Variants in RHCG observed in about 807,000 individuals in gnomAD.
RHCG encodes the protein ammonium transporter Rh type C.
Under a neutral mutation model 55.3 loss-of-function variants are expected in RHCG, and 39 were observed. The observed-to-expected ratio is 0.70, with a 90% confidence interval of 0.55 to 0.92. RHCG has a LOEUF of 0.92. RHCG is among the 40% of genes least tolerant of loss of function. The pLI, the probability that RHCG is intolerant of heterozygous loss-of-function variation, is 0.00. For synonymous variants in RHCG, 250 were observed against 246.8 expected (o/e 1.01, Z -0.12); for missense variants, 635 against 627.9 (o/e 1.01, Z -0.12).
rs956688790 is a variant in RHCG at position 89,478,310 on chromosome 15, T to A, written c.838-336A>T. 2.6e-5 allele frequency among the ~76,000 whole-genome samples: 4 copies of A among 152,232 alleles called. No individual in the cohort carries two copies. The East Asian group carries it at 7.7e-4, about 29-fold the overall frequency. ...ATACCTGTGTGCCCAGACTAGCATG[T>A]CTGAACGTTCTTGCCATGGATGCAA... On this transcript the variant is annotated intron_variant, in intron 5 of 10. Coordinates refer to ENST00000268122, the MANE Select transcript of RHCG (RefSeq NM_016321.3).
At chr15:89,483,040 C>A in intron 3 of RHCG, 27 bp downstream of exon 3, 1 of 1,540,972 alleles carries the variant, frequency 6.5e-7, no homozygotes, top group South Asian at 1.2e-5. Context: ...CCCCCACCAC[C>A]TCATCCCCAT....
intron 1 of RHCG, among the ~76,000 whole-genome samples, chr15:89,496,097 C>G (rs947298925): frequency 4.6e-5 from 7 of 152,192 alleles, no homozygotes; most frequent in Admixed American, 3.9e-4. Flanking sequence ...GGCTCTCTGA[C>G]AGGGATGTTG....
Position 89,486,781 on chromosome 15 carries a change from G to A in RHCG, c.371+18C>T. The A allele has an allele frequency of 6.4e-7, 1 of 1,573,150 alleles. No individual in the cohort carries two copies. The highest frequency in any genetic ancestry group is 1.3e-5 in the African/African-American group (1 of 74,306). On this transcript the variant is annotated intron_variant, in intron 2 of 10. Transcript: ENST00000268122. ...CCCTCCCAGTCCGCCACGCCCCCGG[G>A]GCCCGCCCTGCGCTCACTTCTCCAC... is the stretch of plus-strand genomic sequence containing the variant.
chr15:89,482,271 T>C (rs1467045044), intron 3 of RHCG, among the ~76,000 whole-genome samples: 1 of 152,242 alleles, frequency 6.6e-6, no homozygotes, highest in African/African-American at 2.4e-5. Flanking sequence ...GCACTCTGGC[T>C]GCTGAAGATG....
Position 89,496,342 on chromosome 15 carries a change from T to G in RHCG, c.184+19A>C. On this transcript the variant is annotated intron_variant, in intron 1 of 10. Transcript: ENST00000268122. Reference sequence around the variant, plus strand: ...GGCGCGGATATGCCTCCGCTGGGCCTGCAGGCGGCGAGACTTACTTGGGTA... The same window carrying G: ...GGCGCGGATATGCCTCCGCTGGGCCGGCAGGCGGCGAGACTTACTTGGGTA... 6.2e-7 allele frequency: 1 copy of G among 1,612,976 alleles called. No homozygotes were observed. The highest frequency in any genetic ancestry group is 2.2e-5 in the East Asian group (1 of 44,862).
At chr15:89,475,168 G>T (rs1411351168) in intron 9 of RHCG, among the ~76,000 whole-genome samples, 12 of 139,608 alleles carry the variant, frequency 8.6e-5, no homozygotes, top group Non-Finnish European at 1.7e-4. Flanking sequence ...CTTCCTGCCT[G>T]CCTGCCTTCC....
chr15:89,492,463 G>C (rs1433832795), intron 1 of RHCG, among the ~76,000 whole-genome samples: 5 of 152,122 alleles, frequency 3.3e-5, no homozygotes, highest in African/African-American at 1.2e-4. Flanking sequence ...AGACCTACTG[G>C]CCAGTTCCCC....
At chr15:89,482,489 A>C (rs1055052172) in intron 3 of RHCG, among the ~76,000 whole-genome samples, 1 of 152,166 alleles carries the variant, frequency 6.6e-6, no homozygotes, top group African/African-American at 2.4e-5. Flanking sequence ...AAAAGGGTGC[A>C]GTTTCTACGT....
intron 2 of RHCG, among the ~76,000 whole-genome samples, chr15:89,484,270 C>G (rs1961320595): frequency 6.6e-6 from 1 of 152,176 alleles, no homozygotes; most frequent in South Asian, 2.1e-4. Context: ...CAGGGCCTGG[C>G]TAAATGATCG....
At chr15:89,474,493 A>G (rs113134075) in intron 9 of RHCG, among the ~76,000 whole-genome samples, 2,738 of 152,302 alleles carry the variant, frequency 0.018, 62 homozygotes, top group East Asian at 0.042. Flanking sequence ...TGCAGGAGGC[A>G]TGAGGGGAGT....
chr15:89,490,761 C>T (rs568194224), intron 1 of RHCG, among the ~76,000 whole-genome samples: 270 of 127,350 alleles, frequency 2.1e-3, no homozygotes, highest in Admixed American at 5.2e-3. Flanking sequence ...CTGGCCTGGC[C>T]GTGGTGAATT....
chr15:89,492,542 G>A (rs1274164862), intron 1 of RHCG, among the ~76,000 whole-genome samples: 1 of 152,206 alleles, frequency 6.6e-6, no homozygotes, highest in Non-Finnish European at 1.5e-5. Flanking sequence ...GAGATGGTCA[G>A]GGGGCAGCAA....
intron 1 of RHCG, among the ~76,000 whole-genome samples, chr15:89,488,979 C>T (rs931357973): frequency 4.6e-5 from 7 of 152,140 alleles, no homozygotes; most frequent in Admixed American, 6.5e-5. Flanking sequence ...AGGGCCATGA[C>T]GTATGTGACT....
intron 1 of RHCG, among the ~76,000 whole-genome samples, chr15:89,494,827 T>A (rs1268411984): frequency 1.3e-5 from 2 of 151,948 alleles, no homozygotes; most frequent in African/African-American, 4.8e-5. Flanking sequence ...GGTCTTGAGG[T>A]CCTCCACTCC....
intron 1 of RHCG, among the ~76,000 whole-genome samples, chr15:89,489,995 C>T (rs149939296): frequency 3.9e-5 from 6 of 152,144 alleles, no homozygotes; most frequent in African/African-American, 1.4e-4. Flanking sequence ...GTGCCAAGGT[C>T]GACTCTCAGT....
At chr15:89,484,833 G>A (rs1961330360) in intron 2 of RHCG, among the ~76,000 whole-genome samples, 1 of 151,824 alleles carries the variant, frequency 6.6e-6, no homozygotes, top group Admixed American at 6.6e-5. Flanking sequence ...CATCCCTTGG[G>A]CTATCAGCAT....
intron 5 of RHCG, among the ~76,000 whole-genome samples, chr15:89,478,960 C>T (rs1209367209): frequency 2.6e-5 from 4 of 151,976 alleles, no homozygotes; most frequent in East Asian, 1.9e-4. Flanking sequence ...CTTAGCTGGG[C>T]GTGGTAGCCT....
chr15:89,480,500 G>T, intron 3 of RHCG, 92 bp from the exon 4 acceptor site: 2 of 1,452,556 alleles, frequency 1.4e-6, no homozygotes. Flanking sequence ...CACGCCCAGA[G>T]CTCCAGCCTT....
Position 89,472,696 on chromosome 15 carries a change from C to T in RHCG, c.*24+15G>A, listed in dbSNP as rs780456672. On this transcript the variant is annotated intron_variant, in intron 10 of 10. Transcript: ENST00000268122. The stretch of plus-strand genomic sequence containing the variant: ...AGAACCTCCCTGTCATCCCCCAAGC[C>T]AAGCCCATGCTCACCTGCTCCTCAC... 2.0e-5 allele frequency: 32 copies of T among 1,606,094 alleles called. No homozygotes were observed. In the East Asian group the frequency reaches 7.2e-4, roughly 36 times the overall value.
Sources: allele counts gnomAD v4.1 joint callset (sites outside exome capture counted in the v4.1 genomes callset), GRCh38; gene constraint gnomAD v4.1.1; transcripts MANE v1.5; gene names NCBI Gene and HGNC (gene_info 2026-07-23, HGNC 2026-07-21).